Variants in SULT1B1 observed in about 807,000 individuals in gnomAD.
SULT1B1 encodes the protein sulfotransferase family 1B member 1.
Under a neutral mutation model 34.6 loss-of-function variants are expected in SULT1B1, and 28 were observed. The observed-to-expected ratio is 0.81, with a 90% CI of 0.60 to 1.11. The LOEUF is 1.11. SULT1B1 is among the 50% of genes least tolerant of loss of function. The probability of loss-of-function intolerance (pLI) is 0.00; values close to 1 mark genes in which losing one functional copy is unlikely to be tolerated. For missense variants in SULT1B1, 374 were observed against 352.2 expected, an observed-to-expected ratio of 1.06 and a Z score of -0.50; for synonymous variants, 147 against 110.2, an observed-to-expected ratio of 1.33 and a Z score of -2.09.
At chr4:69,740,676 G>A (rs1377107821) in intron 4 of SULT1B1, among the ~76,000 whole-genome samples, 2 of 152,140 alleles carry the variant, frequency 1.3e-5, no homozygotes, top group East Asian at 1.9e-4. Flanking sequence ...ATGCCTTCAG[G>A]TAACTACTCA....
chr4:69,738,597 A>G (rs1016635591), intron 4 of SULT1B1, among the ~76,000 whole-genome samples: 10 of 152,176 alleles, frequency 6.6e-5, no homozygotes, highest in Non-Finnish European at 1.3e-4. Context: ...GGGGATTATT[A>G]CAATTGAAGA....
intron 1 of SULT1B1, among the ~76,000 whole-genome samples, chr4:69,756,488 G>A (rs765917937): frequency 4.6e-5 from 7 of 152,136 alleles, no homozygotes; most frequent in Non-Finnish European, 1.0e-4. Context: ...TGCCTAAGTG[G>A]GTGATCTTCA....
At position 69,734,269 on chromosome 4, in the gene SULT1B1, A is replaced by C; in HGVS notation, c.376-5T>G. 2 of 1,608,626 alleles carry C rather than the reference A, an allele frequency of 1.2e-6. No individual in the cohort carries two copies. Among genetic ancestry groups the C allele is most frequent in the Middle Eastern group, 1.7e-4 (1 of 6,040 alleles). ...ATTACGAGCCAGATAAATCATCTGCAGTGGGGGGTGGGGGTAGGAGAAAAA... is the reference window on the plus strand; with the variant it reads ...ATTACGAGCCAGATAAATCATCTGCCGTGGGGGGTGGGGGTAGGAGAAAAA... On this transcript the variant is annotated splice_polypyrimidine_tract_variant and splice_region_variant and intron_variant, in intron 4 of 7. Coordinates refer to ENST00000310613, the MANE Select transcript of SULT1B1 (RefSeq NM_014465.4).
In SULT1B1 at chr4:69,722,200, G is replaced by A. The variant is rs990120909; in HGVS notation, c.*4888C>T. 2.0e-5 allele frequency: 3 copies of A among 152,026 alleles called. No individual in the cohort carries two copies. The highest frequency in any genetic ancestry group is 2.9e-5 in the Non-Finnish European group (2 of 67,978). The allele number at this position is 152,026 out of a possible 1,614,324, so 9.4% of individuals were successfully genotyped here. A position where few individuals can be genotyped will look rare whatever the true frequency, so the allele number is the denominator to read the frequency against. On this transcript the variant is annotated 3_prime_UTR_variant, in exon 8 of 8. Coordinates refer to ENST00000310613, the MANE Select transcript of SULT1B1 (RefSeq NM_014465.4). ...ACTCAGTGCATAGAAACATACCTGAGGCATAATTACAACTTACTAAGTTTT... is the reference window on the plus strand; with the variant it reads ...ACTCAGTGCATAGAAACATACCTGAAGCATAATTACAACTTACTAAGTTTT...
Position 69,754,162 on chromosome 4 carries a change from T to C in SULT1B1, c.277+508A>G, listed in dbSNP as rs902343685. On this transcript the variant is annotated intron_variant, in intron 3 of 7. Transcript: ENST00000310613. ...ACTATGAACATTGACATATTGTTAT[T>C]TACTTTTTGACGTCACAATATTGCT... Among the ~76,000 whole-genome samples, 12 of 152,346 alleles carry C rather than the reference T, an allele frequency of 7.9e-5. No individual in the cohort carries two copies. The East Asian group carries it at 1.7e-3, about 22-fold the overall frequency.
At chr4:69,739,516 A>T (rs1718454942) in intron 4 of SULT1B1, among the ~76,000 whole-genome samples, 1 of 152,188 alleles carries the variant, frequency 6.6e-6, no homozygotes, top group Non-Finnish European at 1.5e-5. Context: ...ACAGGTCACC[A>T]AGTCCCTAGA....
In SULT1B1 at chr4:69,724,229, T is replaced by C. The variant is rs1460191993; in HGVS notation, c.*2859A>G. The C allele has an allele frequency of 2.0e-5, 3 of 151,472 alleles. No homozygotes were observed. Among genetic ancestry groups the C allele is most frequent in the Non-Finnish European group, 3.0e-5 (2 of 67,668 alleles). 9.4% of individuals were successfully genotyped at this position (151,472 alleles called of 1,614,324 possible). ...AATCACAAGCATTCTTATACACCAA[T>C]AACAGACAGAGAGCCAAATCAGGAG... On this transcript the variant is annotated 3_prime_UTR_variant, in exon 8 of 8. Transcript: ENST00000310613.
intron 7 of SULT1B1, 120 bp from the exon 8 acceptor site, chr4:69,727,320 TCAAA>T (rs1717878258): frequency 1.7e-6 from 1 of 599,320 alleles, no homozygotes; most frequent in African/African-American, 1.9e-5. Flanking sequence ...TTGAATGAAT[TCAAA>T]CAGTCTTTAA....
chr4:69,743,353 G>A (rs929966357), intron 4 of SULT1B1, among the ~76,000 whole-genome samples: 5 of 152,150 alleles, frequency 3.3e-5, no homozygotes, highest in Non-Finnish European at 4.4e-5. Context: ...TGGTCCTCCC[G>A]TCATCTCTTC....
At chr4:69,745,492 T>TCTCTTTTG (rs1372559778) in intron 4 of SULT1B1, among the ~76,000 whole-genome samples, 1 of 152,210 alleles carries the variant, frequency 6.6e-6, no homozygotes, top group Non-Finnish European at 1.5e-5. Context: ...TGGTTTAAAG[T>TCTCTTTTG]CTCTTTTGTC....
intron 4 of SULT1B1, among the ~76,000 whole-genome samples, chr4:69,743,347 C>T (rs988555637): frequency 6.6e-6 from 1 of 152,162 alleles, no homozygotes; most frequent in Non-Finnish European, 1.5e-5. Flanking sequence ...TGTAGCTGGT[C>T]CTCCCGTCAT....
rs1198775144 is a variant in SULT1B1 at position 69,722,061 on chromosome 4, A to G, written c.*5027T>C. 1 of 152,172 alleles carries G rather than the reference A, an allele frequency of 6.6e-6. No homozygotes were observed. The highest frequency in any genetic ancestry group is 1.5e-5 in the Non-Finnish European group (1 of 68,002). The allele number at this position is 152,172 out of a possible 1,614,324, so 9.4% of individuals were successfully genotyped here. A position where few individuals can be genotyped will look rare whatever the true frequency, so the allele number is the denominator to read the frequency against. ...GAAGTGCCACTGTGTGCTGTTAAAC[A>G]TAAACTGAGGAATTAGGATAGTGAC... On this transcript the variant is annotated 3_prime_UTR_variant, in exon 8 of 8. Transcript: ENST00000310613.
intron 1 of SULT1B1, 118 bp from the exon 2 acceptor site, chr4:69,755,379 G>A: frequency 7.3e-6 from 5 of 686,306 alleles, no homozygotes; most frequent in Non-Finnish European, 1.2e-5. Context: ...GGAGATCTAA[G>A]TACAAAGGGC....
rs1034493896 is a variant in SULT1B1 at position 69,724,054 on chromosome 4, G to A, written c.*3034C>T. ...ATCAGGCAGGAGAAAGAAATAAAGG[G>A]TATTCAATTAGGAGAAGAGGAAGTC... is the stretch of plus-strand genomic sequence containing the variant. On this transcript the variant is annotated 3_prime_UTR_variant, in exon 8 of 8. Coordinates refer to ENST00000310613, the MANE Select transcript of SULT1B1 (RefSeq NM_014465.4). The A allele has an allele frequency of 6.6e-6, 1 of 152,170 alleles. No individual in the cohort carries two copies. Among genetic ancestry groups the A allele is most frequent in the Non-Finnish European group, 1.5e-5 (1 of 68,050 alleles). The allele number at this position is 152,170 out of a possible 1,614,324, so 9.4% of individuals were successfully genotyped here.
intron 4 of SULT1B1, among the ~76,000 whole-genome samples, chr4:69,740,410 G>T (rs55670115): frequency 1.3e-5 from 2 of 152,134 alleles, no homozygotes; most frequent in African/African-American, 4.8e-5. Flanking sequence ...GGAAATGCCA[G>T]GTACTTATAA....
chr4:69,730,529 A>G lies in SULT1B1; in HGVS notation c.750T>C (p.Asp250=), dbSNP rs1560519881. ...NYTHLPTTVM[D]HSKSPFMRKG... is the part of the protein sequence containing the mutation. ...TACGCATAAAAGGGGATTTGCTATG[A>G]TCCATCACTGTAGTTGGTAGATGTG... Residue 250 remains aspartate (D), a synonymous_variant, in exon 7 of 8, where the codon GAT becomes GAC. Transcript: ENST00000310613. 2 of 1,609,366 alleles carry G rather than the reference A, an allele frequency of 1.2e-6. No homozygotes were observed. The highest frequency in any genetic ancestry group is 8.5e-7 in the Non-Finnish European group (1 of 1,176,342).
At chr4:69,741,011 T>C (rs751907329) in intron 4 of SULT1B1, among the ~76,000 whole-genome samples, 3 of 152,232 alleles carry the variant, frequency 2.0e-5, no homozygotes, top group African/African-American at 4.8e-5. Context: ...TGGGTTTTTA[T>C]AGTTTTTGGT....
At chr4:69,753,076 C>G (rs1719039980) in intron 3 of SULT1B1, among the ~76,000 whole-genome samples, 1 of 152,178 alleles carries the variant, frequency 6.6e-6, no homozygotes, top group Non-Finnish European at 1.5e-5. Flanking sequence ...TTATGCTGAG[C>G]ATTGCCTAAT....
At chr4:69,730,753 A>G in intron 6 of SULT1B1, 72 bp from the exon 7 acceptor site, 3 of 1,407,454 alleles carry the variant, frequency 2.1e-6, no homozygotes, top group Non-Finnish European at 2.9e-6. Context: ...AACATTTATA[A>G]TCCGTTTTTT....
Sources: allele counts gnomAD v4.1 joint callset (sites outside exome capture counted in the v4.1 genomes callset), GRCh38; gene constraint gnomAD v4.1.1; transcripts MANE v1.5; gene names NCBI Gene and HGNC (gene_info 2026-07-23, HGNC 2026-07-21).